FSTL5: variants seen among roughly 807,000 people sequenced by gnomAD.
The protein encoded by FSTL5 is follistatin like 5.
FSTL5 carries 62 observed loss-of-function variants against 89.1 expected under a neutral mutation model. The ratio of observed to expected loss-of-function variants is 0.70; its 90% confidence interval spans 0.57 to 0.86. FSTL5 has a LOEUF of 0.86. FSTL5 is among the 40% of genes least tolerant of loss of function. FSTL5 has a pLI of 0.00. For missense variants in FSTL5, 1,057 were observed against 1,001.6 expected (o/e 1.06, Z -0.75); for synonymous variants, 383 against 346.2 (o/e 1.11, Z -1.18).
At chr4:161,427,284 ATCT>A (rs1218338876) in intron 15 of FSTL5, among the ~76,000 whole-genome samples, 2 of 152,206 alleles carry the variant, frequency 1.3e-5, no homozygotes, top group African/African-American at 2.4e-5. Flanking sequence ...AGCTCAACAG[ATCT>A]TCTCCTCTGG....
chr4:161,465,708 A>C (rs1015119134), intron 13 of FSTL5, among the ~76,000 whole-genome samples: 2 of 152,194 alleles, frequency 1.3e-5, no homozygotes, highest in African/African-American at 4.8e-5. Context: ...AATAGAACAA[A>C]GGGGATCAGT....
chr4:161,785,634 C>G (rs1228579597), intron 4 of FSTL5, among the ~76,000 whole-genome samples: 2 of 152,138 alleles, frequency 1.3e-5, no homozygotes, highest in Admixed American at 6.5e-5. Flanking sequence ...GTATATCAAG[C>G]AGCCATAAGG....
At chr4:161,622,351 G>C (rs554513814) in intron 7 of FSTL5, among the ~76,000 whole-genome samples, 1 of 152,066 alleles carries the variant, frequency 6.6e-6, no homozygotes, top group African/African-American at 2.4e-5. Context: ...GTAAAACAGA[G>C]GAAGAAGGGC....
chr4:161,864,084 G>A (rs1732003364), intron 4 of FSTL5, among the ~76,000 whole-genome samples: 1 of 152,060 alleles, frequency 6.6e-6, no homozygotes, highest in East Asian at 1.9e-4. Context: ...GTTTGGTGTT[G>A]GACACATTAT....
At chr4:161,977,639 A>AATAATAAT (rs1553988131) in intron 3 of FSTL5, among the ~76,000 whole-genome samples, 8 of 101,200 alleles carry the variant, frequency 7.9e-5, no homozygotes, top group African/African-American at 2.5e-4. Context: ...AAAAAAAAAA[A>AATAATAAT]AATAATAATA....
chr4:161,860,101 G>T (rs34906716), intron 4 of FSTL5, among the ~76,000 whole-genome samples: 4 of 151,414 alleles, frequency 2.6e-5, no homozygotes, highest in Admixed American at 1.3e-4. Context: ...ATCCTGGCTA[G>T]CGCAGTGAAA....
intron 15 of FSTL5, among the ~76,000 whole-genome samples, chr4:161,402,608 T>C (rs1435865297): frequency 6.6e-6 from 1 of 152,186 alleles, no homozygotes; most frequent in African/African-American, 2.4e-5. Context: ...ATACATACAC[T>C]ACACACTCCC....
At position 161,385,889 on chromosome 4, in the gene FSTL5, T is replaced by A. The variant is rs1219454799; in HGVS notation, c.2402A>T (p.Gln801Leu). 1 of 1,613,870 alleles carries A rather than the reference T, an allele frequency of 6.2e-7. No individual in the cohort carries two copies. Among genetic ancestry groups the A allele is most frequent in the Non-Finnish European group, 8.5e-7 (1 of 1,179,944 alleles). The part of the protein sequence containing the change: ...WPWNRKNRQI[Q>L]DSGLFGQYLM... ...GTATTGACCAAACAAGCCACTGTCC[T>A]GGATTTGCCTGTTTTTCCGGTTCCA... The change falls in exon 16 of 16, where the codon CAG becomes CTG. Residue 801 changes from glutamine (Q) to leucine (L), a missense_variant. Coordinates refer to ENST00000306100, the MANE Select transcript of FSTL5 (RefSeq NM_020116.5).
chr4:161,775,330 AG>A (rs1172069488), intron 5 of FSTL5, among the ~76,000 whole-genome samples: 4 of 152,130 alleles, frequency 2.6e-5, no homozygotes, highest in Admixed American at 2.6e-4. Context: ...ATCAGTGTAT[AG>A]TTTTGAAGAA....
intron 3 of FSTL5, among the ~76,000 whole-genome samples, chr4:162,029,007 T>C (rs137911701): frequency 1.4e-3 from 220 of 152,266 alleles, no homozygotes; most frequent in African/African-American, 5.1e-3. Context: ...TCTGACTTGA[T>C]TGATATAAAT....
chr4:161,572,711 C>T (rs1733061907), intron 8 of FSTL5, among the ~76,000 whole-genome samples: 1 of 152,106 alleles, frequency 6.6e-6, no homozygotes, highest in Non-Finnish European at 1.5e-5. Context: ...GGAGCAAGAA[C>T]ATGGAATAGC....
intron 4 of FSTL5, among the ~76,000 whole-genome samples, chr4:161,815,724 A>C (rs1475024349): frequency 6.6e-6 from 1 of 152,136 alleles, no homozygotes; most frequent in Non-Finnish European, 1.5e-5. Context: ...ACATTACTAA[A>C]AGGTAGATAC....
At chr4:162,060,598 A>G (rs1738690359) in intron 2 of FSTL5, among the ~76,000 whole-genome samples, 2 of 151,624 alleles carry the variant, frequency 1.3e-5, no homozygotes, top group Non-Finnish European at 2.9e-5. Flanking sequence ...TCCTTTTTTG[A>G]TCTAGCTTTC....
intron 7 of FSTL5, among the ~76,000 whole-genome samples, chr4:161,605,594 T>C (rs1472747858): frequency 6.6e-6 from 1 of 152,188 alleles, no homozygotes; most frequent in Non-Finnish European, 1.5e-5. Flanking sequence ...AATTATTTTA[T>C]GGTAAAAAAA....
rs1173805540 is a variant in FSTL5 at position 161,451,888 on chromosome 4, TTTAGGCACTAAGAATA to T, written c.1841+3100_1841+3115del. Among the ~76,000 whole-genome samples the T allele has an allele frequency of 9.8e-5, 15 of 152,314 alleles. No homozygotes were observed. In the East Asian group the frequency reaches 2.7e-3, roughly 27 times the overall value. ...AACATAAATTAAGTGTCCAGTGGTT[TTTAGGCACTAAGAATA>T]TAAAAGCCTGACACGTGTCAAGAAG... On this transcript the variant is annotated intron_variant, in intron 15 of 15. Coordinates refer to ENST00000306100, the MANE Select transcript of FSTL5 (RefSeq NM_020116.5).
intron 4 of FSTL5, among the ~76,000 whole-genome samples, chr4:161,879,661 C>T (rs570025136): frequency 5.3e-5 from 8 of 152,344 alleles, no homozygotes; most frequent in African/African-American, 1.9e-4. Flanking sequence ...TTTTCAAGCT[C>T]TCTGCCTTAT....
At chr4:161,869,749 C>A (rs765706494) in intron 4 of FSTL5, among the ~76,000 whole-genome samples, 19 of 152,178 alleles carry the variant, frequency 1.2e-4, no homozygotes, top group Admixed American at 6.5e-5. Flanking sequence ...TAATAACAAA[C>A]CATGAATATC....
At chr4:161,541,990 C>A (rs924389559) in intron 9 of FSTL5, among the ~76,000 whole-genome samples, 2 of 151,754 alleles carry the variant, frequency 1.3e-5, no homozygotes, top group Non-Finnish European at 2.9e-5. Context: ...CATGTCTACA[C>A]ATTAGAAGAT....
intron 4 of FSTL5, among the ~76,000 whole-genome samples, chr4:161,897,291 G>A (rs554929259): frequency 1.3e-5 from 2 of 151,748 alleles, no homozygotes; most frequent in African/African-American, 2.4e-5. Context: ...CTAATGGTAT[G>A]TATATTTTTG....
Sources: gnomAD v4.1 joint callset for allele counts (sites outside exome capture counted in the v4.1 genomes callset) on GRCh38, gnomAD v4.1.1 for gene constraint, MANE v1.5 for transcripts, NCBI Gene and HGNC (gene_info 2026-07-23, HGNC 2026-07-21) for gene names.